The following VDAC1 variants were observed in gnomAD, a reference collection of about 807,000 sequenced individuals.
VDAC1 encodes non-selective voltage-gated ion channel VDAC1.
VDAC1 carries 10 observed loss-of-function variants against 34.7 expected under a neutral mutation model. The observed-to-expected ratio is 0.29, with a 90% confidence interval of 0.18 to 0.49. The LOEUF is 0.49. Among genes scored for constraint, VDAC1 ranks in the 20% least tolerant of loss-of-function variants. The pLI is 0.99. For synonymous variants in VDAC1, 130 were observed against 136.0 expected (o/e 0.96, Z 0.30); for missense variants, 230 against 347.9 (o/e 0.66, Z 2.69).
intron 1 of VDAC1, among the ~76,000 whole-genome samples, chr5:134,002,453 C>G (rs1443652570): frequency 3.3e-5 from 5 of 152,228 alleles, no homozygotes; most frequent in Non-Finnish European, 7.3e-5. Flanking sequence ...GGCCCAACAC[C>G]TTCTGTAGAA....
the VDAC1 span, among the ~76,000 whole-genome samples, chr5:134,016,760 G>A: frequency 6.6e-6 from 1 of 152,240 alleles, no homozygotes; most frequent in Non-Finnish European, 1.5e-5. Flanking sequence ...GCATCTTGGT[G>A]CCAGCCTGGT....
the VDAC1 span, among the ~76,000 whole-genome samples, chr5:134,064,360 C>T: frequency 6.6e-6 from 1 of 151,816 alleles, no homozygotes; most frequent in Admixed American, 6.6e-5. Flanking sequence ...GGCTGGAGTG[C>T]AGTAGTGCAA....
chr5:134,089,465 T>C, the VDAC1 span, among the ~76,000 whole-genome samples: 1 of 152,190 alleles, frequency 6.6e-6, no homozygotes, highest in Admixed American at 6.5e-5. Context: ...TGAAAAATGA[T>C]AGAAATTACA....
the VDAC1 span, among the ~76,000 whole-genome samples, chr5:134,091,431 A>T: frequency 1.3e-5 from 2 of 152,186 alleles, no homozygotes; most frequent in Non-Finnish European, 2.9e-5. Flanking sequence ...GCAGATGGGG[A>T]AAGTTCTTCA....
chr5:133,979,479 G>C (rs1186134104), intron 6 of VDAC1, among the ~76,000 whole-genome samples: 1 of 119,532 alleles, frequency 8.4e-6, no homozygotes, highest in African/African-American at 3.3e-5. Flanking sequence ...GCTCAGGCTA[G>C]AGCGCAGTGG....
chr5:133,972,382 AG>A lies in VDAC1; in HGVS notation c.*388del. The A allele has an allele frequency of 2.5e-6, 1 of 401,218 alleles. No individual in the cohort carries two copies. Among genetic ancestry groups the A allele is most frequent in the Non-Finnish European group, 4.4e-6 (1 of 227,410 alleles). 24.9% of individuals were successfully genotyped at this position (401,218 alleles called of 1,614,324 possible). ...GGTGAGTTTGTACACACCATCAAGC[AG>A]CGAGCCTCTCATCAATTAGGGTTAG... On this transcript the variant is annotated 3_prime_UTR_variant, in exon 9 of 9. Transcript: ENST00000265333.
the VDAC1 span, among the ~76,000 whole-genome samples, chr5:134,030,599 T>C: frequency 4.6e-3 from 135 of 29,152 alleles, 1 homozygote; most frequent in Non-Finnish European, 0.011. Context: ...TTTCTTTCTT[T>C]CTTTCTTTTT....
the VDAC1 span, among the ~76,000 whole-genome samples, chr5:134,051,460 C>T: frequency 1.1e-4 from 16 of 152,338 alleles, no homozygotes; most frequent in South Asian, 3.1e-3. Flanking sequence ...GAGCTTCTTC[C>T]ACTGCCTTTT....
chr5:134,049,783 G>C, the VDAC1 span, among the ~76,000 whole-genome samples: 1 of 152,190 alleles, frequency 6.6e-6, no homozygotes, highest in African/African-American at 2.4e-5. Context: ...GTTTAGCCAT[G>C]TTGGCCAGGC....
the VDAC1 span, among the ~76,000 whole-genome samples, chr5:134,018,719 G>A: frequency 6.6e-6 from 1 of 152,186 alleles, no homozygotes; most frequent in South Asian, 2.1e-4. Flanking sequence ...CGAACAATGT[G>A]ATTTAGGGTG....
chr5:134,064,333 T>G, the VDAC1 span, among the ~76,000 whole-genome samples: 1 of 151,012 alleles, frequency 6.6e-6, no homozygotes, highest in African/African-American at 2.4e-5. Context: ...AGAGAGAGAG[T>G]CTTATTCTGT....
At chr5:134,073,757 A>G in the VDAC1 span, among the ~76,000 whole-genome samples, 1 of 152,220 alleles carries the variant, frequency 6.6e-6, no homozygotes. Flanking sequence ...GATCTCCAAC[A>G]TGTACCAGTA....
chr5:134,057,950 G>A, the VDAC1 span, among the ~76,000 whole-genome samples: 1 of 152,118 alleles, frequency 6.6e-6, no homozygotes, highest in African/African-American at 2.4e-5. Flanking sequence ...AGGCTGGAGT[G>A]CAGTGGCATG....
the VDAC1 span, among the ~76,000 whole-genome samples, chr5:134,048,843 T>C: frequency 6.6e-6 from 1 of 152,160 alleles, no homozygotes; most frequent in Non-Finnish European, 1.5e-5. Context: ...ATTAATTTAT[T>C]TACTACTGCA....
intron 5 of VDAC1, chr5:133,988,755 C>CTCCG (rs1285031734): frequency 4.0e-4 from 60 of 149,970 alleles, no homozygotes; most frequent in African/African-American, 1.4e-3. Context: ...CAGAGCAAGA[C>CTCCG]TCCGTCCCCC....
chr5:134,039,579 T>C, the VDAC1 span, among the ~76,000 whole-genome samples: 1 of 152,200 alleles, frequency 6.6e-6, no homozygotes, highest in Non-Finnish European at 1.5e-5. Flanking sequence ...TCCGCCCGCC[T>C]TGGCCTCCCA....
the VDAC1 span, among the ~76,000 whole-genome samples, chr5:134,040,443 C>T: frequency 6.6e-6 from 1 of 152,146 alleles, no homozygotes; most frequent in Non-Finnish European, 1.5e-5. Context: ...GGTGTGGTGG[C>T]ACGTGCCTGT....
At chr5:134,009,030 A>C (rs369516997), upstream of VDAC1, among the ~76,000 whole-genome samples, 8 of 152,058 alleles carry the variant, frequency 5.3e-5, no homozygotes, top group African/African-American at 1.9e-4. Context: ...CTCTTGGGGA[A>C]ACAGGACAGA....
intron 1 of VDAC1, among the ~76,000 whole-genome samples, chr5:134,001,269 A>C (rs1022329142): frequency 2.6e-5 from 4 of 152,192 alleles, no homozygotes; most frequent in Admixed American, 6.5e-5. Flanking sequence ...TCTGTGCTCG[A>C]GTCTGCTGAC....
Sources: gnomAD v4.1 joint callset for allele counts (sites outside exome capture counted in the v4.1 genomes callset) on GRCh38, gnomAD v4.1.1 for gene constraint, MANE v1.5 for transcripts, NCBI Gene and HGNC (gene_info 2026-07-23, HGNC 2026-07-21) for gene names.